ASPRV1: variants seen among roughly 807,000 people sequenced by gnomAD.
ASPRV1 encodes the protein aspartic peptidase retroviral like 1.
ASPRV1 carries 7 observed loss-of-function variants against 11.0 expected under a neutral mutation model. The ratio of observed to expected loss-of-function variants is 0.64; its 90% confidence interval spans 0.36 to 1.20. The LOEUF (loss-of-function observed/expected upper bound fraction) is 1.20, where lower values mean the gene tolerates loss of function less well. ASPRV1 is among the 50% of genes most tolerant of loss of function. The pLI is 0.02. For synonymous variants in ASPRV1, 136 were observed against 138.4 expected, an observed-to-expected ratio of 0.98 and a Z score of 0.12; for missense variants, 299 against 320.0, an observed-to-expected ratio of 0.93 and a Z score of 0.50.
In ASPRV1 at chr2:69,961,307, G is replaced by A. The variant is rs1259197049; in HGVS notation, c.130C>T (p.His44Tyr). 13 of 1,614,092 alleles carry A rather than the reference G, an allele frequency of 8.1e-6. No homozygotes were observed. Among genetic ancestry groups the A allele is most frequent in the South Asian group, 1.1e-5 (1 of 91,072 alleles). Residue 44 changes from histidine (H) to tyrosine (Y), a missense_variant, in exon 1 of 1, where the codon CAT (histidine) becomes TAT (tyrosine). By Grantham distance (83) the His-to-Tyr change is moderately conservative. Coordinates refer to ENST00000320256, the MANE Select transcript of ASPRV1 (RefSeq NM_152792.4). ...CTTAGCTTGGTGATATGGTCCCAAT[G>A]GTTGAGGTCATTGATGACTTCAAAG... ...HSFEVINDLN[H>Y]WDHITKLRFL...
the ASPRV1 span, among the ~76,000 whole-genome samples, chr2:70,037,968 T>C: frequency 6.6e-6 from 1 of 152,226 alleles, no homozygotes; most frequent in Non-Finnish European, 1.5e-5. Flanking sequence ...TAGGTCTGTT[T>C]CTGGATTTTC....
At chr2:70,034,710 T>C in the ASPRV1 span, among the ~76,000 whole-genome samples, 1 of 152,232 alleles carries the variant, frequency 6.6e-6, no homozygotes, top group Non-Finnish European at 1.5e-5. Flanking sequence ...ATCATCTGTA[T>C]GAGACCAACA....
At chr2:70,047,248 T>C in the ASPRV1 span, among the ~76,000 whole-genome samples, 104 of 152,302 alleles carry the variant, frequency 6.8e-4, no homozygotes, top group Non-Finnish European at 4.3e-4. Context: ...AAGGTCTATA[T>C]TGGAAAACAG....
At chr2:70,068,932 C>G in the ASPRV1 span, among the ~76,000 whole-genome samples, 1 of 84,052 alleles carries the variant, frequency 1.2e-5, no homozygotes, top group Non-Finnish European at 2.2e-5. Flanking sequence ...GCAACAAGAG[C>G]AAAACTCTTG....
At chr2:70,052,214 T>C in the ASPRV1 span, among the ~76,000 whole-genome samples, 11 of 152,244 alleles carry the variant, frequency 7.2e-5, no homozygotes, top group South Asian at 2.3e-3. Flanking sequence ...TGTTATCTTG[T>C]TACGGGAGTC....
At chr2:70,064,197 G>A in the ASPRV1 span, among the ~76,000 whole-genome samples, 5 of 152,286 alleles carry the variant, frequency 3.3e-5, no homozygotes, top group Middle Eastern at 3.4e-3. Flanking sequence ...AAAGATGGAC[G>A]AAATAGGAAG....
At chr2:70,036,339 C>T in the ASPRV1 span, among the ~76,000 whole-genome samples, 1 of 151,828 alleles carries the variant, frequency 6.6e-6, no homozygotes, top group Non-Finnish European at 1.5e-5. Context: ...TTGTAGCATG[C>T]AAAATGAATG....
At chr2:69,967,334 C>T in the ASPRV1 span, among the ~76,000 whole-genome samples, 1 of 152,190 alleles carries the variant, frequency 6.6e-6, no homozygotes, top group Non-Finnish European at 1.5e-5. Flanking sequence ...CCTCAGGCAA[C>T]TCCCGCAACC....
the ASPRV1 span, chr2:70,050,636 T>C: frequency 6.6e-6 from 1 of 152,126 alleles, no homozygotes; most frequent in Non-Finnish European, 1.5e-5. Flanking sequence ...CTCTTACAAA[T>C]TAATAAAAAA....
the ASPRV1 span, chr2:69,970,670 C>A: frequency 2.0e-5 from 3 of 152,338 alleles, no homozygotes; most frequent in Non-Finnish European, 4.4e-5. Flanking sequence ...TGAGTTGCAG[C>A]ACTGGTACAG....
chr2:70,017,957 T>G, the ASPRV1 span: 1 of 151,948 alleles, frequency 6.6e-6, no homozygotes, highest in Non-Finnish European at 1.5e-5. Context: ...CTGGGCAACA[T>G]GGTGAAACCC....
the ASPRV1 span, among the ~76,000 whole-genome samples, chr2:69,971,895 C>A: frequency 6.6e-6 from 1 of 152,190 alleles, no homozygotes; most frequent in Non-Finnish European, 1.5e-5. Context: ...TGGCTGCAAG[C>A]TGTGGACAAA....
the ASPRV1 span, among the ~76,000 whole-genome samples, chr2:69,980,864 C>G: frequency 1.3e-5 from 2 of 152,212 alleles, no homozygotes; most frequent in African/African-American, 2.4e-5. Flanking sequence ...CAATCTCCCC[C>G]TCCTGGATTC....
the ASPRV1 span, chr2:70,063,932 T>C: frequency 1.3e-5 from 2 of 152,280 alleles, no homozygotes; most frequent in African/African-American, 4.8e-5. Context: ...TATGATTTAA[T>C]GATCCTGCTT....
At chr2:70,021,534 G>A in the ASPRV1 span, among the ~76,000 whole-genome samples, 10 of 151,784 alleles carry the variant, frequency 6.6e-5, no homozygotes, top group Non-Finnish European at 1.5e-4. Flanking sequence ...TAGCCAGGAT[G>A]GTCTCCATCT....
At chr2:69,990,333 G>A in the ASPRV1 span, among the ~76,000 whole-genome samples, 3 of 151,850 alleles carry the variant, frequency 2.0e-5, no homozygotes, top group Non-Finnish European at 2.9e-5. Context: ...ACAGGCCCCC[G>A]CCACCATGTC....
the ASPRV1 span, among the ~76,000 whole-genome samples, chr2:70,064,831 C>A: frequency 1.2e-4 from 18 of 152,310 alleles, no homozygotes; most frequent in East Asian, 1.7e-3. Context: ...CAGTGGCTCA[C>A]ACCTGTAATC....
rs1362324352 is a variant in ASPRV1, at chr2:69,961,470, C to T, written c.-34G>A. The T allele has an allele frequency of 6.2e-7, 1 of 1,614,092 alleles. No homozygotes were observed. The highest frequency in any genetic ancestry group is 8.5e-7 in the Non-Finnish European group (1 of 1,180,038). ...TCTCCTCTGGAACCTCAGCAGCAACCCACGCCAAGAAGAGAAACCCACAGA... is the reference window on the plus strand; with the variant it reads ...TCTCCTCTGGAACCTCAGCAGCAACTCACGCCAAGAAGAGAAACCCACAGA... On this transcript the variant is annotated 5_prime_UTR_variant, in exon 1 of 1. Coordinates refer to ENST00000320256, the MANE Select transcript of ASPRV1 (RefSeq NM_152792.4).
the ASPRV1 span, among the ~76,000 whole-genome samples, chr2:70,082,130 A>G: frequency 6.6e-6 from 1 of 151,042 alleles, no homozygotes; most frequent in African/African-American, 2.4e-5. Flanking sequence ...ACGCACCATC[A>G]CGCCCAGCTA....
Sources: gnomAD v4.1 joint callset for allele counts (sites outside exome capture counted in the v4.1 genomes callset) on GRCh38, gnomAD v4.1.1 for gene constraint, MANE v1.5 for transcripts, NCBI Gene and HGNC (gene_info 2026-07-23, HGNC 2026-07-21) for gene names.